The following CSMD1 variants were observed in gnomAD, a reference collection of about 807,000 sequenced individuals.
CSMD1 encodes the protein CUB and sushi domain-containing protein 1.
In CSMD1, 213 loss-of-function variants were observed where a neutral mutation model predicts 417.5. The observed-to-expected ratio is 0.51, with a 90% CI of 0.46 to 0.57. The LOEUF (loss-of-function observed/expected upper bound fraction) is 0.57, where lower values mean the gene tolerates loss of function less well. Ranked by LOEUF, CSMD1 falls within the 20% of genes least tolerant of loss-of-function variation. The probability of loss-of-function intolerance (pLI) is 0.00; values close to 1 mark genes in which losing one functional copy is unlikely to be tolerated. For synonymous variants in CSMD1, 2,862 were observed against 1,736.8 expected, an observed-to-expected ratio of 1.65 and a Z score of -16.11; for missense variants, 6,923 against 4,529.7, an observed-to-expected ratio of 1.53 and a Z score of -15.17.
At chr8:3,304,590 G>A (rs1382412228) in intron 25 of CSMD1, among the ~76,000 whole-genome samples, 1 of 152,036 alleles carries the variant, frequency 6.6e-6, no homozygotes, top group Non-Finnish European at 1.5e-5. Flanking sequence ...AGAAGTTTAT[G>A]CTTTAAATTT....
At chr8:4,970,068 C>T (rs982446005) in intron 1 of CSMD1, among the ~76,000 whole-genome samples, 1 of 152,114 alleles carries the variant, frequency 6.6e-6, no homozygotes, top group African/African-American at 2.4e-5. Flanking sequence ...ACAGAAATGA[C>T]AAAAGTATTC....
At chr8:4,468,470 T>C (rs1408986893) in intron 2 of CSMD1, among the ~76,000 whole-genome samples, 2 of 152,234 alleles carry the variant, frequency 1.3e-5, no homozygotes, top group Non-Finnish European at 2.9e-5. Flanking sequence ...ATTTAAGCTC[T>C]TGATATACCA....
At chr8:4,749,563 T>G (rs1811173853) in intron 1 of CSMD1, among the ~76,000 whole-genome samples, 1 of 152,242 alleles carries the variant, frequency 6.6e-6, no homozygotes, top group African/African-American at 2.4e-5. Context: ...CCATGCTTGT[T>G]TATTCAGGAA....
chr8:3,137,479 C>T (rs916579929), intron 41 of CSMD1, among the ~76,000 whole-genome samples: 3 of 152,156 alleles, frequency 2.0e-5, no homozygotes, highest in Non-Finnish European at 4.4e-5. Context: ...GAGCGCGGAG[C>T]GAGGTAAAAC....
Position 3,205,592 on chromosome 8 carries a change from T to G in CSMD1, c.4896A>C (p.Ser1632=), listed in dbSNP as rs1178253343. 3.1e-6 allele frequency: 5 copies of G among 1,587,358 alleles called. No individual in the cohort carries two copies. Among genetic ancestry groups the G allele is most frequent in the Non-Finnish European group, 4.3e-6 (5 of 1,163,220 alleles). The change falls in exon 31 of 70, where the codon TCA becomes TCC. Residue 1632 remains serine, a synonymous_variant. Coordinates refer to ENST00000635120, the MANE Select transcript of CSMD1 (RefSeq NM_033225.6). Reference sequence around the variant, plus strand: ...AGTTTGGTGATAAAACTACCCCTTCTGATCCCGTGTACTGGCCTCCACAGG... The same window carrying G: ...AGTTTGGTGATAAAACTACCCCTTCGGATCCCGTGTACTGGCCTCCACAGG... ...NAPCGGQYTG[S]EGVVLSPNYP... is the part of the protein sequence containing the mutation.
intron 10 of CSMD1, among the ~76,000 whole-genome samples, chr8:3,527,496 G>A (rs1205117101): frequency 1.3e-5 from 2 of 152,152 alleles, no homozygotes; most frequent in Admixed American, 6.5e-5. Flanking sequence ...TTTCCCAGGG[G>A]AGGTCTGCCT....
intron 1 of CSMD1, among the ~76,000 whole-genome samples, chr8:4,807,541 A>G (rs1400744195): frequency 6.6e-6 from 1 of 152,196 alleles, no homozygotes; most frequent in African/African-American, 2.4e-5. Context: ...GGACACCAGT[A>G]CGTGTTCATT....
chr8:3,122,726 C>T (rs1368675629), intron 41 of CSMD1, among the ~76,000 whole-genome samples: 1 of 151,836 alleles, frequency 6.6e-6, no homozygotes, highest in Non-Finnish European at 1.5e-5. Flanking sequence ...GTGCCTTTCA[C>T]CTCCCACCAT....
At chr8:4,131,332 A>T (rs918231833) in intron 3 of CSMD1, among the ~76,000 whole-genome samples, 3 of 152,176 alleles carry the variant, frequency 2.0e-5, no homozygotes, top group Non-Finnish European at 4.4e-5. Context: ...CTGTGCTTTC[A>T]TCTTCCACTT....
intron 14 of CSMD1, among the ~76,000 whole-genome samples, chr8:3,407,376 G>C (rs1812411955): frequency 6.6e-6 from 1 of 151,588 alleles, no homozygotes; most frequent in Non-Finnish European, 1.5e-5. Flanking sequence ...ATAAACAATG[G>C]ATTGATGGAA....
chr8:4,403,783 C>T (rs766022147), intron 3 of CSMD1, among the ~76,000 whole-genome samples: 2 of 152,190 alleles, frequency 1.3e-5, no homozygotes, highest in Non-Finnish European at 2.9e-5. Context: ...TCTTGATCCT[C>T]TCTCCTGGAC....
intron 3 of CSMD1, among the ~76,000 whole-genome samples, chr8:4,328,556 T>G (rs978533343): frequency 1.3e-5 from 2 of 152,040 alleles, no homozygotes; most frequent in African/African-American, 4.8e-5. Context: ...ACACACTATG[T>G]ACCCACAACA....
chr8:3,488,605 G>C (rs987022695), intron 11 of CSMD1, among the ~76,000 whole-genome samples: 83 of 152,282 alleles, frequency 5.5e-4, no homozygotes, highest in African/African-American at 1.9e-3. Flanking sequence ...CTCAAGGCTA[G>C]GACAATGGCT....
intron 31 of CSMD1, among the ~76,000 whole-genome samples, chr8:3,202,450 C>T (rs894648406): frequency 2.0e-5 from 3 of 152,140 alleles, no homozygotes; most frequent in Non-Finnish European, 2.9e-5. Context: ...TGTGTGAACA[C>T]ACCTCCTCCA....
intron 3 of CSMD1, among the ~76,000 whole-genome samples, chr8:4,187,134 A>G (rs933933607): frequency 9.8e-6 from 1 of 102,496 alleles, no homozygotes. Flanking sequence ...CCACTCTGTT[A>G]AAACATATTG....
intron 2 of CSMD1, among the ~76,000 whole-genome samples, chr8:4,555,192 G>C (rs149201532): frequency 9.8e-5 from 15 of 152,286 alleles, no homozygotes; most frequent in Non-Finnish European, 1.0e-4. Context: ...TGGCAGATTG[G>C]TAGGAATAAG....
At chr8:3,419,244 T>C (rs568919593) in intron 12 of CSMD1, among the ~76,000 whole-genome samples, 1 of 152,196 alleles carries the variant, frequency 6.6e-6, no homozygotes, top group Non-Finnish European at 1.5e-5. Flanking sequence ...CTATCAGGCT[T>C]ACAATCTGCA....
At chr8:3,959,725 G>T (rs1419611878) in intron 5 of CSMD1, among the ~76,000 whole-genome samples, 2 of 152,142 alleles carry the variant, frequency 1.3e-5, no homozygotes, top group African/African-American at 4.8e-5. Flanking sequence ...AGAATGTTTT[G>T]AAACTGCAGC....
intron 7 of CSMD1, among the ~76,000 whole-genome samples, chr8:3,658,952 C>G (rs1435677179): frequency 6.6e-6 from 1 of 152,078 alleles, no homozygotes; most frequent in Non-Finnish European, 1.5e-5. Context: ...TAAAATATAA[C>G]TTTCATATGC....
Sources: allele counts gnomAD v4.1 joint callset (sites outside exome capture counted in the v4.1 genomes callset), GRCh38; gene constraint gnomAD v4.1.1; transcripts MANE v1.5; gene names NCBI Gene and HGNC (gene_info 2026-07-23, HGNC 2026-07-21).